The following SBF2 variants were observed in gnomAD, a reference collection of about 807,000 sequenced individuals.
SBF2 encodes myotubularin-related protein 13.
In SBF2, 112 loss-of-function variants were observed where a neutral mutation model predicts 225.2. The observed-to-expected ratio is 0.50, with a 90% CI of 0.43 to 0.58. The LOEUF (loss-of-function observed/expected upper bound fraction) is 0.58. SBF2 is among the 20% of genes least tolerant of loss of function. The pLI, the probability that SBF2 is intolerant of heterozygous loss-of-function variation, is 0.00. For missense variants in SBF2, 1,996 were observed against 2,206.2 expected (o/e 0.90, Z 1.91); for synonymous variants, 763 against 773.3 (o/e 0.99, Z 0.22).
intron 21 of SBF2, 138 bp from the exon 22 acceptor site, chr11:9,850,356 A>G: frequency 1.3e-6 from 1 of 797,652 alleles, no homozygotes. Flanking sequence ...CCTGGGCTCA[A>G]AAGATCCTCT....
chr11:10,031,751 T>C (rs1269696713), intron 3 of SBF2, among the ~76,000 whole-genome samples: 2 of 152,148 alleles, frequency 1.3e-5, no homozygotes, highest in Non-Finnish European at 2.9e-5. Flanking sequence ...AGAACTCTGT[T>C]TCCGTTTTTG....
intron 24 of SBF2, among the ~76,000 whole-genome samples, chr11:9,842,988 C>A (rs368619842): frequency 6.6e-6 from 1 of 152,180 alleles, no homozygotes; most frequent in Non-Finnish European, 1.5e-5. Context: ...TTAGGAAAAA[C>A]GTGCAGGAAA....
chr11:10,042,391 T>G (rs926022556), intron 3 of SBF2, among the ~76,000 whole-genome samples: 2 of 152,224 alleles, frequency 1.3e-5, no homozygotes, highest in Non-Finnish European at 2.9e-5. Flanking sequence ...GCTTATGAAT[T>G]TCTGCCTGAT....
chr11:9,788,680 C>T (rs187484166), intron 35 of SBF2, among the ~76,000 whole-genome samples: 187 of 151,526 alleles, frequency 1.2e-3, no homozygotes, highest in African/African-American at 4.0e-3. Context: ...CTGCAAGCTC[C>T]GCCTCGCAGG....
chr11:10,148,969 G>T (rs2135163926), intron 2 of SBF2, among the ~76,000 whole-genome samples: 1 of 152,248 alleles, frequency 6.6e-6, no homozygotes, highest in Middle Eastern at 3.4e-3. Flanking sequence ...TGAAGTTGGT[G>T]TTGAGAAGTA....
Position 10,193,899 on chromosome 11 carries a change from T to G in SBF2, c.141+3A>C, listed in dbSNP as rs763728071. The G allele has an allele frequency of 6.3e-7, 1 of 1,599,420 alleles. No individual in the cohort carries two copies. Among genetic ancestry groups the G allele is most frequent in the South Asian group, 1.1e-5 (1 of 90,786 alleles). Reference sequence around the variant, plus strand: ...AATATGCAATAATACAACAACCACTTACCAACTCAATTCCCTGTGGAAAAG... The same window carrying G: ...AATATGCAATAATACAACAACCACTGACCAACTCAATTCCCTGTGGAAAAG... On this transcript the variant is annotated splice_donor_region_variant and intron_variant, in intron 2 of 39. Coordinates refer to ENST00000256190, the MANE Select transcript of SBF2 (RefSeq NM_030962.4).
intron 26 of SBF2, among the ~76,000 whole-genome samples, chr11:9,834,853 C>T (rs1199321811): frequency 6.6e-6 from 1 of 152,212 alleles, no homozygotes; most frequent in Non-Finnish European, 1.5e-5. Flanking sequence ...AACGAGCACA[C>T]TCCTTCACTC....
At position 9,795,892 on chromosome 11, in the gene SBF2, G is replaced by A. The variant is rs138816399; in HGVS notation, c.4509C>T (p.His1503=). 3.5e-5 allele frequency: 57 copies of A among 1,613,536 alleles called. No homozygotes were observed. The highest frequency in any genetic ancestry group is 4.5e-5 in the Non-Finnish European group (53 of 1,179,734). Residue 1503 remains histidine, a synonymous_variant, in exon 33 of 40, where the codon CAC becomes CAT. Transcript: ENST00000256190. ...ATGTTTTAAAGCGATTAGACACATA[G>A]TGGAAAGCCAAGAACTTTAAGTAAT... ...NLYYLKFLAF[H]YVSNRFKTFL... is the part of the protein sequence containing the mutation.
At chr11:10,055,342 T>C (rs986799386) in intron 2 of SBF2, among the ~76,000 whole-genome samples, 1 of 152,132 alleles carries the variant, frequency 6.6e-6, no homozygotes, top group African/African-American at 2.4e-5. Flanking sequence ...CTCTAAGAAC[T>C]AAAAGTAGAT....
At chr11:9,815,752 G>C (rs1854424787) in intron 29 of SBF2, among the ~76,000 whole-genome samples, 1 of 152,206 alleles carries the variant, frequency 6.6e-6, no homozygotes, top group East Asian at 1.9e-4. Context: ...TGTAGAAAAG[G>C]GTTCTATTTT....
intron 2 of SBF2, among the ~76,000 whole-genome samples, chr11:10,082,781 C>T (rs1457405934): frequency 6.6e-6 from 1 of 152,038 alleles, no homozygotes. Context: ...CAACATCATA[C>T]TGAAGGGGGA....
rs1166081188 is a variant in SBF2 at position 9,974,960 on chromosome 11, CAAAAAAAAAAAA to C, written c.1396-6427_1396-6416del. Among the ~76,000 whole-genome samples, 44 of 23,268 alleles carry C rather than the reference CAAAAAAAAAAAA, an allele frequency of 1.9e-3. 2 individuals carry two copies. The highest frequency in any genetic ancestry group is 5.9e-3 in the East Asian group (3 of 506). The allele number at this position is 23,268 out of a possible 152,430, so 15.3% of individuals were successfully genotyped here. On this transcript the variant is annotated intron_variant, in intron 13 of 39. Coordinates refer to ENST00000256190, the MANE Select transcript of SBF2 (RefSeq NM_030962.4). Reference sequence around the variant, plus strand: ...GGGCAACAACAGCGAAACTTTGACTCAAAAAAAAAAAAAAAAAAAAAAAAAAAAGAAAAAAAG... The same window carrying C: ...GGGCAACAACAGCGAAACTTTGACTCAAAAAAAAAAAAAAAAGAAAAAAAG...
chr11:10,081,441 A>T (rs1015932683), intron 2 of SBF2, among the ~76,000 whole-genome samples: 2 of 152,170 alleles, frequency 1.3e-5, no homozygotes, highest in Non-Finnish European at 2.9e-5. Context: ...GCTAAGAGGG[A>T]AATTTATAAC....
At chr11:9,868,210 G>C (rs923634967) in intron 17 of SBF2, among the ~76,000 whole-genome samples, 4 of 151,738 alleles carry the variant, frequency 2.6e-5, no homozygotes, top group African/African-American at 9.7e-5. Flanking sequence ...ATGTAAAAAA[G>C]TTGTTGGGGC....
chr11:10,258,531 T>C (rs1961105410), intron 1 of SBF2, among the ~76,000 whole-genome samples: 1 of 152,154 alleles, frequency 6.6e-6, no homozygotes, highest in Non-Finnish European at 1.5e-5. Flanking sequence ...AAAATGCTTA[T>C]CTAGTAAAAA....
At chr11:9,853,459 G>A in intron 20 of SBF2, 81 bp downstream of exon 20, 1 of 1,194,514 alleles carries the variant, frequency 8.4e-7, no homozygotes, top group Non-Finnish European at 1.3e-6. Flanking sequence ...AACTATAATG[G>A]AAGACATGTA....
chr11:10,249,487 T>C (rs1360717732), intron 1 of SBF2, among the ~76,000 whole-genome samples: 1 of 152,168 alleles, frequency 6.6e-6, no homozygotes, highest in Non-Finnish European at 1.5e-5. Flanking sequence ...CAAAAGATTG[T>C]TTGAAAAGCT....
chr11:10,145,646 T>C (rs1477267336), intron 2 of SBF2, among the ~76,000 whole-genome samples: 1 of 152,202 alleles, frequency 6.6e-6, no homozygotes, highest in African/African-American at 2.4e-5. Context: ...TCACAGGACT[T>C]AATATAACCT....
chr11:9,838,853 C>T (rs893942598), intron 26 of SBF2: 1 of 154,022 alleles, frequency 6.5e-6, no homozygotes, highest in African/African-American at 2.4e-5. Flanking sequence ...TGGAATAAGA[C>T]TCAACATATT....
Sources: gnomAD v4.1 joint callset for allele counts (sites outside exome capture counted in the v4.1 genomes callset) on GRCh38, gnomAD v4.1.1 for gene constraint, MANE v1.5 for transcripts, NCBI Gene and HGNC (gene_info 2026-07-23, HGNC 2026-07-21) for gene names.